EMILIN2: variants seen among roughly 807,000 people sequenced by gnomAD.
EMILIN2 encodes the protein EMILIN-2.
A neutral mutation model predicts 87.1 loss-of-function variants in EMILIN2; 71 were observed. The observed-to-expected ratio is 0.82, with a 90% confidence interval of 0.67 to 0.99. EMILIN2 has a LOEUF of 0.99. Among genes scored for constraint, EMILIN2 ranks in the 50% least tolerant of loss-of-function variants. The pLI, the probability that EMILIN2 is intolerant of heterozygous loss-of-function variation, is 0.00. For missense variants in EMILIN2, 1,407 were observed against 1,371.8 expected, an observed-to-expected ratio of 1.03 and a Z score of -0.40; for synonymous variants, 581 against 563.4, an observed-to-expected ratio of 1.03 and a Z score of -0.44.
chr18:2,913,136 A>G lies in EMILIN2; in HGVS notation c.2894A>G (p.Tyr965Cys), dbSNP rs944902726. ...ACCCTCACCCCCGAGAGAGACGCCT[A>G]CGTGGAAGCAGTGCTGTCGGTCTCC... ...TATLTPERDA[Y>C]VEAVLSVSNA... Residue 965 changes from tyrosine to cysteine, a missense_variant, in exon 8 of 8, where the codon TAC (tyrosine) becomes TGC (cysteine). Transcript: ENST00000254528. 4.3e-6 allele frequency: 7 copies of G among 1,613,734 alleles called. No individual in the cohort carries two copies. The East Asian group carries it at 1.3e-4, about 31-fold the overall frequency.
At chr18:2,876,635 G>A (rs1260698739) in intron 2 of EMILIN2, among the ~76,000 whole-genome samples, 14 of 123,858 alleles carry the variant, frequency 1.1e-4, no homozygotes, top group African/African-American at 3.5e-4. Context: ...GTGTGGTGGC[G>A]GGCGCCTGTA....
chr18:2,909,461 C>T (rs566447871), intron 6 of EMILIN2, among the ~76,000 whole-genome samples: 14 of 152,346 alleles, frequency 9.2e-5, no homozygotes, highest in African/African-American at 3.4e-4. Context: ...TCACACACAC[C>T]CTCCTAACAA....
chr18:2,897,019 G>A (rs556051649), intron 4 of EMILIN2, among the ~76,000 whole-genome samples: 3 of 152,180 alleles, frequency 2.0e-5, no homozygotes, highest in Non-Finnish European at 2.9e-5. Context: ...GGTCCAGGCA[G>A]AGGGAACAGC....
In EMILIN2 at chr18:2,891,130, A is replaced by C. The variant is rs747400093; in HGVS notation, c.1003A>C (p.Arg335=). ...AGAGGAGCTCATGGAGGGCATGGAC[A>C]GAAAGCTGGCTGACCTGAAAAACTC... ...LREELMEGMD[R]KLADLKNSCE... is the part of the protein sequence containing the mutation. The change falls in exon 4 of 8, where the codon AGA becomes CGA. Residue 335 remains arginine (R), a synonymous_variant. Transcript: ENST00000254528. This position sits in a 1 kb window ranked among gnomAD's most constrained non-coding sequence, Gnocchi z 4.6. The C allele has an allele frequency of 6.8e-6, 11 of 1,614,092 alleles. No individual in the cohort carries two copies. The East Asian group carries it at 2.5e-4, about 36-fold the overall frequency.
At chr18:2,889,309 T>C (rs1271282192) in intron 3 of EMILIN2, among the ~76,000 whole-genome samples, 3 of 151,952 alleles carry the variant, frequency 2.0e-5, no homozygotes. Flanking sequence ...GGCTGATTTT[T>C]GTATTTTTAG....
At chr18:2,849,210 A>C (rs2076591744) in intron 2 of EMILIN2, among the ~76,000 whole-genome samples, 2 of 152,232 alleles carry the variant, frequency 1.3e-5, no homozygotes, top group Non-Finnish European at 2.9e-5. Flanking sequence ...ACGACATCAG[A>C]ACCAAGCAAG....
chr18:2,882,299 T>C (rs2076780900), intron 2 of EMILIN2, among the ~76,000 whole-genome samples: 1 of 152,236 alleles, frequency 6.6e-6, no homozygotes, highest in South Asian at 2.1e-4. Flanking sequence ...TCAGTTTTCC[T>C]TGGAAAAGGC....
At position 2,907,190 on chromosome 18, in the gene EMILIN2, G is replaced by C. The variant is rs549268561; in HGVS notation, c.2662+105G>C. ...GTGGCGGTTCGGGGTCCAGCCTTCG[G>C]GGGGGCAAGTTCCGAAATGCAGCTT... is the stretch of plus-strand genomic sequence containing the variant. On this transcript the variant is annotated intron_variant, in intron 5 of 7. Coordinates refer to ENST00000254528, the MANE Select transcript of EMILIN2 (RefSeq NM_032048.3). 23 of 1,157,346 alleles carry C rather than the reference G, an allele frequency of 2.0e-5. No homozygotes were observed. The East Asian group carries it at 4.0e-4, about 20-fold the overall frequency. The allele number at this position is 1,157,346 out of a possible 1,614,324, so 71.7% of individuals were successfully genotyped here. A position where few individuals can be genotyped will look rare whatever the true frequency, so the allele number is the denominator to read the frequency against.
Position 2,913,303 on chromosome 18 carries a change from A to G in EMILIN2, c.3061A>G (p.Asn1021Asp), listed in dbSNP as rs2076951328. ...GCACCTGAAGGCGGGAGATGCAGTC[A>G]ACGTCGTGGTGACTGGGGGCAAGCT... ...IVHLKAGDAV[N>D]VVVTGGKLAH... Residue 1021 changes from asparagine to aspartate, a missense_variant, in exon 8 of 8, where the codon AAC (asparagine) becomes GAC (aspartate). Physicochemically the swap from Asn to Asp is conservative, Grantham distance 23 (BLOSUM62 1). Transcript: ENST00000254528. 1 of 1,613,128 alleles carries G rather than the reference A, an allele frequency of 6.2e-7. No homozygotes were observed.
chr18:2,902,844 G>T (rs2144060613), intron 4 of EMILIN2, among the ~76,000 whole-genome samples: 1 of 152,208 alleles, frequency 6.6e-6, no homozygotes, highest in African/African-American at 2.4e-5. Context: ...GCAGGAGGGG[G>T]AGACCAAAGG....
intron 3 of EMILIN2, among the ~76,000 whole-genome samples, chr18:2,887,447 A>G (rs1598497266): frequency 6.6e-6 from 1 of 152,280 alleles, no homozygotes; most frequent in African/African-American, 2.4e-5. Context: ...TTGATCCTTC[A>G]TGAATGGCTT....
chr18:2,869,436 C>A (rs1253204496), intron 2 of EMILIN2, among the ~76,000 whole-genome samples: 1 of 152,202 alleles, frequency 6.6e-6, no homozygotes, highest in African/African-American at 2.4e-5. Context: ...TCCACGTACC[C>A]CCTCCCTGGG....
intron 4 of EMILIN2, among the ~76,000 whole-genome samples, chr18:2,903,793 C>A (rs2076898311): frequency 6.6e-6 from 1 of 152,068 alleles, no homozygotes; most frequent in Non-Finnish European, 1.5e-5. Context: ...TAAAAATTGA[C>A]CTCCCTCCTG....
intron 3 of EMILIN2, among the ~76,000 whole-genome samples, chr18:2,885,770 G>A (rs1268046791): frequency 7.9e-5 from 12 of 151,986 alleles, no homozygotes; most frequent in African/African-American, 1.7e-4. Flanking sequence ...TGCCCACCTC[G>A]GCCTCCCAAA....
chr18:2,849,714 C>T (rs933103763), intron 2 of EMILIN2, among the ~76,000 whole-genome samples: 1 of 152,128 alleles, frequency 6.6e-6, no homozygotes, highest in Admixed American at 6.5e-5. Flanking sequence ...ACCATATAAA[C>T]AATACAAGTG....
In EMILIN2 at chr18:2,906,870, C is replaced by T; in HGVS notation, c.2447C>T (p.Thr816Ile). Residue 816 changes from threonine to isoleucine, a missense_variant, in exon 5 of 8, where the codon ACC becomes ATC. Transcript: ENST00000254528. The stretch of plus-strand genomic sequence containing the variant: ...CCGCCGAGGCCCAGCGGCCCCGCAA[C>T]CGCAGAGGACCCTGGGCGACGGCCC... Reference protein sequence around the residue: ...PAPPRPSGPATAEDPGRRPVL... With the variant: ...PAPPRPSGPAIAEDPGRRPVL... 5 of 1,376,958 alleles carry T rather than the reference C, an allele frequency of 3.6e-6. No individual in the cohort carries two copies. The highest frequency in any genetic ancestry group is 4.7e-6 in the Non-Finnish European group (5 of 1,064,288). 85.3% of individuals were successfully genotyped at this position (1,376,958 alleles called of 1,614,324 possible).
At position 2,915,861 on chromosome 18, in the gene EMILIN2, A is replaced by C. The variant is rs2076966291; in HGVS notation, c.*2457A>C. The C allele has an allele frequency of 1.3e-5, 2 of 152,226 alleles. No homozygotes were observed. Among genetic ancestry groups the C allele is most frequent in the Non-Finnish European group, 2.9e-5 (2 of 68,054 alleles). 9.4% of individuals were successfully genotyped at this position (152,226 alleles called of 1,614,324 possible). On this transcript the variant is annotated 3_prime_UTR_variant, in exon 8 of 8. Transcript: ENST00000254528. ...CTGATATCAAGTTGTTGCTGAGAAA[A>C]GGTCAGGACACTTCTTAAGTAGAGA...
chr18:2,847,466 C>T lies in EMILIN2; in HGVS notation c.134+144C>T. ...CCCGGGCGGCTCCCTCTGCGGGGGA[C>T]CGCGCGCTCCGCAGCCGGCGCCTCA... On this transcript the variant is annotated intron_variant, in intron 1 of 7. Transcript: ENST00000254528. This position sits in a 1 kb window ranked among gnomAD's most constrained non-coding sequence, Gnocchi z 4.5. 1.0e-6 allele frequency: 1 copy of T among 1,000,110 alleles called. No individual in the cohort carries two copies. The highest frequency in any genetic ancestry group is 1.3e-6 in the Non-Finnish European group (1 of 766,064). The allele number at this position is 1,000,110 out of a possible 1,614,324, so 62.0% of individuals were successfully genotyped here.
intron 2 of EMILIN2, among the ~76,000 whole-genome samples, chr18:2,874,807 G>A (rs1441450409): frequency 6.6e-6 from 1 of 152,208 alleles, no homozygotes; most frequent in Non-Finnish European, 1.5e-5. Context: ...CCGAAAGGAA[G>A]AAACTATGTT....
Sources: gnomAD v4.1 joint callset for allele counts (sites outside exome capture counted in the v4.1 genomes callset) on GRCh38, gnomAD v4.1.1 for gene constraint, Gnocchi (gnomAD v3.1) non-coding constraint, MANE v1.5 for transcripts, NCBI Gene and HGNC (gene_info 2026-07-23, HGNC 2026-07-21) for gene names.